LGI1: variants seen among roughly 807,000 people sequenced by gnomAD.
The protein encoded by LGI1 is leucine-rich glioma-inactivated protein 1.
In LGI1, 11 loss-of-function variants were observed where a neutral mutation model predicts 57.7. That is an observed-to-expected ratio of 0.19 (90% confidence interval 0.12 to 0.32). The LOEUF (loss-of-function observed/expected upper bound fraction) is 0.32. Among genes scored for constraint, LGI1 ranks in the 10% least tolerant of loss-of-function variants. The probability of loss-of-function intolerance (pLI) is 1.00; values close to 1 mark genes in which losing one functional copy is unlikely to be tolerated. For missense variants in LGI1, 422 were observed against 661.9 expected, an observed-to-expected ratio of 0.64 and a Z score of 3.98; for synonymous variants, 222 against 241.9, an observed-to-expected ratio of 0.92 and a Z score of 0.76.
intron 4 of LGI1, among the ~76,000 whole-genome samples, chr10:93,783,281 C>T (rs907736186): frequency 2.0e-4 from 30 of 152,092 alleles, no homozygotes; most frequent in South Asian, 6.2e-4. Flanking sequence ...GAGGCTGAGG[C>T]GGGAGAATGG....
intron 2 of LGI1, chr10:93,772,636 T>G (rs1465863044): frequency 8.5e-5 from 13 of 152,160 alleles, no homozygotes; most frequent in Admixed American, 7.2e-4. Flanking sequence ...AATACATATG[T>G]GTATATATCA....
At chr10:93,787,777 C>T (rs2059902721) in intron 4 of LGI1, among the ~76,000 whole-genome samples, 1 of 152,012 alleles carries the variant, frequency 6.6e-6, no homozygotes. Flanking sequence ...CATGGTGGGA[C>T]ACACCTGTGG....
At chr10:93,795,598 A>G (rs115791762) in intron 7 of LGI1, among the ~76,000 whole-genome samples, 1,548 of 152,262 alleles carry the variant, frequency 0.01, 32 homozygotes, top group African/African-American at 0.035. Flanking sequence ...TGACAAATAT[A>G]TGCCCCATAC....
In LGI1 at chr10:93,790,450, T is replaced by C. The variant is rs549270302; in HGVS notation, c.503+280T>C. On this transcript the variant is annotated intron_variant, in intron 5 of 7. Transcript: ENST00000371418. The stretch of plus-strand genomic sequence containing the variant: ...GCGATGATAAAGGACTTTGACGGGG[T>C]GGGAAGAGACCCGGCTAGAAATTTC... The C allele has an allele frequency of 4.0e-4, 160 of 401,832 alleles. 1 individual carries two copies. Among genetic ancestry groups the C allele is most frequent in the South Asian group, 3.2e-3 (87 of 27,298 alleles). The allele number at this position is 401,832 out of a possible 1,614,324, so 24.9% of individuals were successfully genotyped here.
chr10:93,778,605 C>T (rs113871520), intron 4 of LGI1, among the ~76,000 whole-genome samples: 6 of 152,128 alleles, frequency 3.9e-5, no homozygotes, highest in African/African-American at 1.4e-4. Flanking sequence ...TGATTAGTTA[C>T]GGAATTATGA....
In LGI1 at chr10:93,792,865, G is replaced by A. The variant is rs370151711; in HGVS notation, c.626G>A (p.Arg209His). Reference protein sequence around the residue: ...YCEGPPEYKKRKINSLSSKDF... With the variant: ...YCEGPPEYKKHKINSLSSKDF... ...GAAGGCCCCCCAGAATACAAGAAGC[G>A]CAAAATCAATAGTCTCTCCTCGAAG... Residue 209 changes from arginine (R) to histidine (H), a missense_variant, in exon 6 of 8, where the codon CGC becomes CAC. Arg to His is a conservative substitution (Grantham distance 29). This residue lies in a region of LGI1 where 301 missense variants were observed against 461.7 expected (regional missense o/e 0.65). Coordinates refer to ENST00000371418, the MANE Select transcript of LGI1 (RefSeq NM_005097.4). 59 of 1,613,840 alleles carry A rather than the reference G, an allele frequency of 3.7e-5. No homozygotes were observed. The East Asian group carries it at 6.0e-4, about 16-fold the overall frequency.
chr10:93,783,434 C>T lies in LGI1; in HGVS notation c.431+5817C>T, dbSNP rs138851550. Among the ~76,000 whole-genome samples, 245 of 152,188 alleles carry T rather than the reference C, an allele frequency of 1.6e-3. 2 individuals are homozygous for T. Among genetic ancestry groups the T allele is most frequent in the African/African-American group, 5.4e-3 (225 of 41,534 alleles). Reference sequence around the variant, plus strand: ...AATGTTTCTTAGGTGAACTTTGAACCAGGACCTAGAGAATGGTGCTTAGTT... The same window carrying T: ...AATGTTTCTTAGGTGAACTTTGAACTAGGACCTAGAGAATGGTGCTTAGTT... On this transcript the variant is annotated intron_variant, in intron 4 of 7. Transcript: ENST00000371418.
intron 2 of LGI1, among the ~76,000 whole-genome samples, chr10:93,773,585 G>GTTCA (rs1428361763): frequency 2.0e-5 from 3 of 152,156 alleles, no homozygotes; most frequent in Non-Finnish European, 4.4e-5. Context: ...GGAATTCATA[G>GTTCA]TTCATATAAA....
chr10:93,793,058 C>A, intron 6 of LGI1, 128 bp from the exon 7 acceptor site: 1 of 1,136,414 alleles, frequency 8.8e-7, no homozygotes, highest in South Asian at 1.4e-5. Flanking sequence ...GACAATGCTT[C>A]ATGTGTTTAA....
At chr10:93,764,700 G>A (rs991922149) in intron 2 of LGI1, 7 of 152,188 alleles carry the variant, frequency 4.6e-5, no homozygotes, top group Admixed American at 3.3e-4. Context: ...AGGAAGAACC[G>A]TAGTACCTAT....
chr10:93,760,575 A>G (rs2059612098), intron 2 of LGI1, among the ~76,000 whole-genome samples: 1 of 152,236 alleles, frequency 6.6e-6, no homozygotes, highest in African/African-American at 2.4e-5. Flanking sequence ...TAGCTGTGGC[A>G]CAGAAAGCCT....
In LGI1 at chr10:93,758,122, G is replaced by T. The variant is rs758806720; in HGVS notation, c.-23G>T. The T allele has an allele frequency of 4.4e-6, 7 of 1,607,154 alleles. 1 individual carries two copies. In the South Asian group the frequency reaches 7.7e-5, roughly 18 times the overall value. ...CTGAATTCCAGAAGCCCTGTTCATG[G>T]TTGGGGATATTTTCTCGACTGCATG... On this transcript the variant is annotated 5_prime_UTR_variant, in exon 1 of 8. Transcript: ENST00000371418. This position sits in a 1 kb window ranked among gnomAD's most constrained non-coding sequence, Gnocchi z 4.7.
At chr10:93,787,346 A>G (rs1253510181) in intron 4 of LGI1, among the ~76,000 whole-genome samples, 1 of 152,124 alleles carries the variant, frequency 6.6e-6, no homozygotes, top group Non-Finnish European at 1.5e-5. Flanking sequence ...AAAGCCTGTC[A>G]CAAGAGGTTC....
chr10:93,789,948 T>G, intron 4 of LGI1, 151 bp from the exon 5 acceptor site: 1 of 686,008 alleles, frequency 1.5e-6, no homozygotes, highest in Non-Finnish European at 2.4e-6. Flanking sequence ...ATAGCAGGAA[T>G]CTGAGTAGTA....
intron 5 of LGI1, 33 bp from the exon 6 acceptor site, chr10:93,792,710 G>C: frequency 6.2e-7 from 1 of 1,611,492 alleles, no homozygotes; most frequent in Non-Finnish European, 8.5e-7. Context: ...TAGGGCCCTT[G>C]TACAGCAAAA....
At position 93,793,134 on chromosome 10, in the gene LGI1, C is replaced by T. The variant is rs2059950443; in HGVS notation, c.674-52C>T. Reference sequence around the variant, plus strand: ...TTTCTTGTGAATATTTAAGATCTAGCCAAGGAAAGAGGTATTAGCTCACAG... The same window carrying T: ...TTTCTTGTGAATATTTAAGATCTAGTCAAGGAAAGAGGTATTAGCTCACAG... On this transcript the variant is annotated intron_variant, in intron 6 of 7. Coordinates refer to ENST00000371418, the MANE Select transcript of LGI1 (RefSeq NM_005097.4). 5 of 1,451,762 alleles carry T rather than the reference C, an allele frequency of 3.4e-6. No homozygotes were observed. In the Admixed American group the frequency reaches 9.1e-5, roughly 26 times the overall value. 89.9% of individuals were successfully genotyped at this position (1,451,762 alleles called of 1,614,324 possible).
chr10:93,777,323 C>G, intron 2 of LGI1, 56 bp from the exon 3 acceptor site: 1 of 1,506,446 alleles, frequency 6.6e-7, no homozygotes, highest in Non-Finnish European at 9.2e-7. Context: ...ATAAAAGCAG[C>G]CAAGATTGAC....
intron 2 of LGI1, among the ~76,000 whole-genome samples, chr10:93,774,256 C>T (rs761489589): frequency 4.6e-5 from 7 of 152,048 alleles, no homozygotes; most frequent in Non-Finnish European, 7.4e-5. Flanking sequence ...CCAGGTGACA[C>T]CCCACGTTTA....
At position 93,797,445 on chromosome 10, in the gene LGI1, C is replaced by T. The variant is rs143808356; in HGVS notation, c.1316C>T (p.Ser439Leu). The T allele has an allele frequency of 8.1e-5, 131 of 1,614,092 alleles. No homozygotes were observed. Among genetic ancestry groups the T allele is most frequent in the Non-Finnish European group, 1.1e-4 (131 of 1,180,046 alleles). The change falls in exon 8 of 8, where the codon TCA becomes TTA. Residue 439 changes from serine to leucine, a missense_variant. Ser to Leu is a moderately radical substitution (Grantham distance 145). Coordinates refer to ENST00000371418, the MANE Select transcript of LGI1 (RefSeq NM_005097.4). This position sits in a 1 kb window ranked among gnomAD's most constrained non-coding sequence, Gnocchi z 6.5. ...GATGTGTACGCAGTGAAGCACTTCT[C>T]AGTGAAAGGGGACGTGTACATTTGC... ...MEDVYAVKHF[S>L]VKGDVYICLT... is the part of the protein sequence containing the mutation.
Sources: gnomAD v4.1 joint callset for allele counts (sites outside exome capture counted in the v4.1 genomes callset) on GRCh38, gnomAD v4.1.1 for gene constraint, gnomAD v4.1.1 regional missense constraint, Gnocchi (gnomAD v3.1) non-coding constraint, MANE v1.5 for transcripts, NCBI Gene and HGNC (gene_info 2026-07-23, HGNC 2026-07-21) for gene names.